WWP2: variants seen among roughly 807,000 people sequenced by gnomAD.
The protein encoded by WWP2 is NEDD4-like E3 ubiquitin-protein ligase WWP2.
WWP2 carries 57 observed loss-of-function variants against 121.0 expected under a neutral mutation model. The observed-to-expected ratio is 0.47, with a 90% CI of 0.38 to 0.59. The LOEUF is 0.59. WWP2 is among the 20% of genes least tolerant of loss of function. The probability of loss-of-function intolerance (pLI) is 0.00; values close to 1 mark genes in which losing one functional copy is unlikely to be tolerated. For synonymous variants in WWP2, 449 were observed against 441.3 expected (o/e 1.02, Z -0.22); for missense variants, 962 against 1,158.9 (o/e 0.83, Z 2.47).
chr16:69,807,219 G>C (rs1488352827), intron 4 of WWP2, among the ~76,000 whole-genome samples: 1 of 151,966 alleles, frequency 6.6e-6, no homozygotes, highest in East Asian at 1.9e-4. Flanking sequence ...ATTTTTAGTA[G>C]AGATGGGGTT....
In WWP2 at chr16:69,848,404, C is replaced by T. The variant is rs561583597; in HGVS notation, c.575+6284C>T. Among the ~76,000 whole-genome samples the T allele has an allele frequency of 3.4e-3, 513 of 151,530 alleles. 1 individual carries two copies. The highest frequency in any genetic ancestry group is 5.2e-3 in the Non-Finnish European group (355 of 67,876). ...AGTGGAGGTTGTGGTGAGCCCAGAT[C>T]GTGCCATTGCACTCCAGCCTGGTCA... On this transcript the variant is annotated intron_variant, in intron 6 of 23. Transcript: ENST00000359154.
At chr16:69,825,368 G>A (rs2056666369) in intron 4 of WWP2, among the ~76,000 whole-genome samples, 1 of 151,028 alleles carries the variant, frequency 6.6e-6, no homozygotes. Flanking sequence ...AGGTTGCAGT[G>A]AGTTGAGATG....
At chr16:69,865,820 C>T (rs1358448091) in intron 6 of WWP2, among the ~76,000 whole-genome samples, 3 of 152,198 alleles carry the variant, frequency 2.0e-5, no homozygotes, top group Non-Finnish European at 2.9e-5. Flanking sequence ...ATACTGAGTG[C>T]ACAGCCTCCG....
intron 6 of WWP2, among the ~76,000 whole-genome samples, chr16:69,865,619 T>G (rs2057507364): frequency 6.6e-6 from 1 of 152,190 alleles, no homozygotes. Flanking sequence ...CTAAACTGGT[T>G]GGCTAAGTTT....
At chr16:69,884,054 T>C (rs1367376878) in intron 7 of WWP2, among the ~76,000 whole-genome samples, 1 of 152,240 alleles carries the variant, frequency 6.6e-6, no homozygotes, top group African/African-American at 2.4e-5. Flanking sequence ...TCACCTTCAG[T>C]TTCCTCCTCC....
intron 7 of WWP2, among the ~76,000 whole-genome samples, chr16:69,881,694 T>A (rs1370939061): frequency 5.9e-5 from 9 of 152,226 alleles, no homozygotes; most frequent in East Asian, 1.9e-4. Context: ...TTAAATTTTT[T>A]AAATTTTTTA....
rs1246408816 is a variant in WWP2, at chr16:69,935,340, G to A, written c.1843-513G>A. Among the ~76,000 whole-genome samples the A allele has an allele frequency of 2.0e-5, 3 of 152,212 alleles. No homozygotes were observed. Among genetic ancestry groups the A allele is most frequent in the Non-Finnish European group, 4.4e-5 (3 of 68,032 alleles). On this transcript the variant is annotated intron_variant, in intron 17 of 23. Coordinates refer to ENST00000359154, the MANE Select transcript of WWP2 (RefSeq NM_001270454.2). The surrounding 1 kb of genome is among the most constrained non-coding windows in gnomAD (Gnocchi z 5.2). ...TGGGCACATTCTTCCCAGGTCTAGA[G>A]ACCCGCCTGGCCCAGCAGCCAGCAG...
intron 18 of WWP2, 125 bp from the exon 19 acceptor site, chr16:69,936,187 C>G (rs1807926593): frequency 4.7e-6 from 7 of 1,478,840 alleles, no homozygotes; most frequent in Middle Eastern, 1.8e-4. Context: ...AAGGAGCTGT[C>G]CCCTGTCACT....
At chr16:69,885,139 A>ACT (rs2057902068) in intron 7 of WWP2, among the ~76,000 whole-genome samples, 1 of 149,192 alleles carries the variant, frequency 6.7e-6, no homozygotes, top group African/African-American at 2.5e-5. Flanking sequence ...ACACACACAC[A>ACT]CATTCTTCTT....
chr16:69,915,542 C>A (rs2058466656), intron 9 of WWP2, among the ~76,000 whole-genome samples: 1 of 152,114 alleles, frequency 6.6e-6, no homozygotes, highest in Admixed American at 6.5e-5. Flanking sequence ...TAGTGAGATC[C>A]TGTCTCTGTA....
At chr16:69,835,860 T>G (rs12447095) in intron 4 of WWP2, among the ~76,000 whole-genome samples, 57,981 of 150,812 alleles carry the variant, frequency 0.38, 11,345 homozygotes, top group Admixed American at 0.49. Context: ...TGGAATGTGG[T>G]GGCACGATCC....
intron 1 of WWP2, among the ~76,000 whole-genome samples, chr16:69,777,209 AT>A (rs1476365964): frequency 2.6e-5 from 4 of 152,052 alleles, no homozygotes; most frequent in African/African-American, 9.7e-5. Flanking sequence ...ATATGGAGAT[AT>A]CATATATGCA....
intron 4 of WWP2, among the ~76,000 whole-genome samples, chr16:69,826,721 TAC>T (rs1555550601): frequency 4.1e-5 from 1 of 24,552 alleles, no homozygotes; most frequent in South Asian, 1.1e-3. Context: ...CTAATAAAAA[TAC>T]AAAAAAAAAA....
intron 7 of WWP2, among the ~76,000 whole-genome samples, chr16:69,879,342 A>G (rs917061196): frequency 4.6e-5 from 7 of 152,120 alleles, no homozygotes; most frequent in Non-Finnish European, 7.3e-5. Flanking sequence ...CATCATCCCA[A>G]ACGGATTCTC....
intron 7 of WWP2, among the ~76,000 whole-genome samples, chr16:69,878,870 A>C (rs58026486): frequency 0.076 from 11,579 of 152,296 alleles, 571 homozygotes; most frequent in South Asian, 0.21. Context: ...AATTTTAAAA[A>C]TGAGCTCTAG....
chr16:69,791,525 G>T (rs192425010), intron 2 of WWP2, among the ~76,000 whole-genome samples: 2 of 151,848 alleles, frequency 1.3e-5, no homozygotes, highest in East Asian at 3.9e-4. Context: ...ACTGCACCTG[G>T]CCTCTTTTCT....
intron 4 of WWP2, among the ~76,000 whole-genome samples, chr16:69,816,848 G>A (rs555733303): frequency 9.2e-5 from 14 of 152,162 alleles, no homozygotes; most frequent in East Asian, 3.9e-4. Context: ...TTCTTCCTCC[G>A]TACATTCAAG....
intron 1 of WWP2, among the ~76,000 whole-genome samples, chr16:69,784,951 AG>A (rs2055751242): frequency 6.6e-6 from 1 of 151,326 alleles, no homozygotes; most frequent in South Asian, 2.1e-4. Context: ...GAAAAGAAAG[AG>A]TGGTCGAGTG....
intron 7 of WWP2, among the ~76,000 whole-genome samples, chr16:69,881,447 G>T (rs77255242): frequency 0.042 from 6,359 of 152,280 alleles, 460 homozygotes; most frequent in African/African-American, 0.15. Context: ...GCAGGATCCT[G>T]GGTTGGATCT....
Sources: gnomAD v4.1 joint callset for allele counts (sites outside exome capture counted in the v4.1 genomes callset) on GRCh38, gnomAD v4.1.1 for gene constraint, Gnocchi (gnomAD v3.1) non-coding constraint, MANE v1.5 for transcripts, NCBI Gene and HGNC (gene_info 2026-07-23, HGNC 2026-07-21) for gene names.